INTS1: variants seen among roughly 807,000 people sequenced by gnomAD.
The protein encoded by INTS1 is integrator complex subunit 1.
In INTS1, 137 loss-of-function variants were observed where a neutral mutation model predicts 241.6. The ratio of observed to expected loss-of-function variants is 0.57; its 90% CI spans 0.49 to 0.65. The LOEUF is 0.65. Among genes scored for constraint, INTS1 ranks in the 30% least tolerant of loss-of-function variants. The pLI is 0.00. For missense variants in INTS1, 3,073 were observed against 3,032.2 expected (o/e 1.01, Z -0.32); for synonymous variants, 1,692 against 1,337.8 (o/e 1.26, Z -5.78).
Position 1,470,609 on chromosome 7 carries a change from G to T in INTS1, c.6541C>A (p.Leu2181Met). 1 of 1,582,538 alleles carries T rather than the reference G, an allele frequency of 6.3e-7. No individual in the cohort carries two copies. Among genetic ancestry groups the T allele is most frequent in the East Asian group, 2.3e-5 (1 of 43,342 alleles). The change falls in exon 48 of 48, where the codon CTG becomes ATG. Residue 2181 changes from leucine to methionine, a missense_variant. Coordinates refer to ENST00000404767, the MANE Select transcript of INTS1 (RefSeq NM_001080453.3). ...MDPSAQISEA[L>M]RILHMEAVM Reference sequence around the variant, plus strand: ...ACGGCCTCCATATGCAGGATCCTCAGGGCCTCGGAGATCTGCGCGCTGGGG... The same window carrying T: ...ACGGCCTCCATATGCAGGATCCTCATGGCCTCGGAGATCTGCGCGCTGGGG...
chr7:1,471,701 CA>C, intron 44 of INTS1, 60 bp from the exon 45 acceptor site: 1 of 1,528,934 alleles, frequency 6.5e-7, no homozygotes, highest in Non-Finnish European at 9.0e-7. Context: ...CTGCCCACCC[CA>C]CCCCAGCCAC....
At chr7:1,482,454 C>T in intron 27 of INTS1, 92 bp downstream of exon 27, 2 of 1,328,576 alleles carry the variant, frequency 1.5e-6, no homozygotes, top group Non-Finnish European at 1.0e-6. Context: ...TCCTCTGCCA[C>T]AGCCGGAGGC....
intron 3 of INTS1, chr7:1,501,278 C>G (rs1562524469): frequency 8.8e-6 from 1 of 113,234 alleles, no homozygotes; most frequent in Non-Finnish European, 1.7e-5. Flanking sequence ...CAGCGAGACT[C>G]TGTCTCAAAA....
chr7:1,480,367 G>A lies in INTS1; in HGVS notation c.4024C>T (p.Gln1342Ter). 1 of 1,612,232 alleles carries A rather than the reference G, an allele frequency of 6.2e-7. No homozygotes were observed. The highest frequency in any genetic ancestry group is 8.5e-7 in the Non-Finnish European group (1 of 1,179,564). The change falls in exon 30 of 48, where the codon CAG becomes TAG. Residue 1342 changes from glutamine to a stop codon, truncating the protein, a stop_gained. Transcript: ENST00000404767. LOFTEE classifies it high-confidence loss of function. ...TCCTCAGGGCCCAGCACCCGGAGCT[G>A]GGTCCCCACCCGAATCCGGCCCTGG... ...IGQGRIRVGT[Q>*]LRVLGPEDDL...
intron 40 of INTS1, 36 bp from the exon 41 acceptor site, chr7:1,474,396 G>A (rs938423214): frequency 2.2e-5 from 34 of 1,543,710 alleles, no homozygotes; most frequent in African/African-American, 1.2e-4. Flanking sequence ...AGCCCCGGCC[G>A]GCGGGCTCAC....
Position 1,499,410 on chromosome 7 carries a change from TC to T in INTS1, c.845-51del, listed in dbSNP as rs773452486. ...TGCAGCGCCTCCCACCCGCCCATCCTCCCACCCCTCCCCTGCCCTGGGGCTT... is the reference window on the plus strand; with the variant it reads ...TGCAGCGCCTCCCACCCGCCCATCCTCCACCCCTCCCCTGCCCTGGGGCTT... On this transcript the variant is annotated intron_variant, in intron 6 of 47. Transcript: ENST00000404767. 5.5e-5 allele frequency: 29 copies of T among 526,340 alleles called. No homozygotes were observed. The Admixed American group carries it at 9.2e-4, about 17-fold the overall frequency. The allele number at this position is 526,340 out of a possible 1,614,324, so 32.6% of individuals were successfully genotyped here.
intron 3 of INTS1, among the ~76,000 whole-genome samples, chr7:1,501,623 A>C (rs1452595054): frequency 6.6e-6 from 1 of 152,164 alleles, no homozygotes; most frequent in Non-Finnish European, 1.5e-5. Flanking sequence ...TAAATAAAGC[A>C]CCGAGCCGCC....
intron 2 of INTS1, among the ~76,000 whole-genome samples, 182 bp from the exon 3 acceptor site, chr7:1,503,373 G>A (rs1434069943): frequency 6.6e-6 from 1 of 152,188 alleles, no homozygotes; most frequent in East Asian, 1.9e-4. Flanking sequence ...CACAGGTGAT[G>A]GTGGACAGTC....
At chr7:1,479,766 G>A (rs970983745) in intron 30 of INTS1, 82 bp from the exon 31 acceptor site, 34 of 1,374,778 alleles carry the variant, frequency 2.5e-5, no homozygotes, top group Non-Finnish European at 3.2e-5. Context: ...GCCCGGTGCA[G>A]CTCCGTGCCA....
intron 40 of INTS1, 107 bp downstream of exon 40, chr7:1,474,598 T>C (rs76952333): frequency 7.2e-7 from 1 of 1,381,980 alleles, no homozygotes; most frequent in Non-Finnish European, 9.7e-7. Flanking sequence ...GGGAACATGC[T>C]TTTTTTTGTT....
chr7:1,471,030 G>A (rs1781441091), intron 46 of INTS1, 75 bp from the exon 47 acceptor site: 2 of 1,513,214 alleles, frequency 1.3e-6, no homozygotes, highest in Admixed American at 4.0e-5. Flanking sequence ...AGGGCGAGCT[G>A]AGCCGCCTGG....
Position 1,497,980 on chromosome 7 carries a change from G to A in INTS1, c.1425+432C>T, listed in dbSNP as rs1782945160. Among the ~76,000 whole-genome samples the A allele has an allele frequency of 6.6e-6, 1 of 152,252 alleles. No homozygotes were observed. The highest frequency in any genetic ancestry group is 2.4e-5 in the African/African-American group (1 of 41,470). On this transcript the variant is annotated intron_variant, in intron 10 of 47. Coordinates refer to ENST00000404767, the MANE Select transcript of INTS1 (RefSeq NM_001080453.3). The surrounding 1 kb of genome is among the most constrained non-coding windows in gnomAD (Gnocchi z 5.3). ...TGTCATCCCAGCACTTTGGGAGGTT[G>A]AGGCAGGAGGATCGCTTGAGCCCAG...
Position 1,495,419 on chromosome 7 carries a change from G to T in INTS1, c.1832+14C>A. The T allele has an allele frequency of 6.2e-7, 1 of 1,605,034 alleles. No individual in the cohort carries two copies. ...GGGGTGTGGGACAGGGGCTGTACAG[G>T]GCCCCAGCCGCACCAGTGCACGTAG... On this transcript the variant is annotated intron_variant, in intron 13 of 47. Coordinates refer to ENST00000404767, the MANE Select transcript of INTS1 (RefSeq NM_001080453.3).
rs1466403937 is a variant in INTS1 at position 1,503,022 on chromosome 7, T to C, written c.228A>G (p.Lys76=). The C allele has an allele frequency of 6.2e-7, 1 of 1,613,616 alleles. No homozygotes were observed. The highest frequency in any genetic ancestry group is 1.1e-5 in the South Asian group (1 of 91,062). ...SSASALTGLT[K]RPKLSSTPPL... Reference sequence around the variant, plus strand: ...GGGGTGTGGAGGAGAGTTTGGGGCGTTTGGTGAGACCGGTGAGGGCCGAGG... The same window carrying C: ...GGGGTGTGGAGGAGAGTTTGGGGCGCTTGGTGAGACCGGTGAGGGCCGAGG... Residue 76 remains lysine, a synonymous_variant, in exon 3 of 48, where the codon AAA becomes AAG. Coordinates refer to ENST00000404767, the MANE Select transcript of INTS1 (RefSeq NM_001080453.3).
Position 1,499,896 on chromosome 7 carries a change from C to A in INTS1, c.672G>T (p.Glu224Asp). The change falls in exon 5 of 48, where the codon GAG becomes GAT. Residue 224 changes from glutamate (E) to aspartate (D), a missense_variant. Physicochemically the swap from Glu to Asp is conservative, Grantham distance 45 (BLOSUM62 2). Coordinates refer to ENST00000404767, the MANE Select transcript of INTS1 (RefSeq NM_001080453.3). ...AGAGGACGCTCACCTTGACAAAGAT[C>A]TCGGGCCAGTTCTCGTCCTCCTCGT... Reference protein sequence around the residue: ...AAYEEDENWPEIFVKVYIEDS... With the variant: ...AAYEEDENWPDIFVKVYIEDS... 6.2e-7 allele frequency: 1 copy of A among 1,612,850 alleles called. No individual in the cohort carries two copies.
At position 1,487,090 on chromosome 7, in the gene INTS1, C is replaced by A. The variant is rs536098840; in HGVS notation, c.2658G>T (p.Gln886His). The A allele has an allele frequency of 1.3e-6, 2 of 1,549,114 alleles. No homozygotes were observed. Among genetic ancestry groups the A allele is most frequent in the African/African-American group, 1.4e-5 (1 of 73,522 alleles). The change falls in exon 21 of 48, where the codon CAG becomes CAT. Residue 886 changes from glutamine to histidine, a missense_variant. By Grantham distance (24) the Gln-to-His change is conservative. Transcript: ENST00000404767. ...CCAGGTCCGCCAGCCAGGGCATGGA[C>A]TGCGAGGAGGCCTGGGCAGGCGACA... ...LHIIQRQASSQSMPWLADLVQ... is the reference protein window; with the variant it reads ...LHIIQRQASSHSMPWLADLVQ...
chr7:1,477,978 G>A (rs373469420), intron 33 of INTS1, 42 bp from the exon 34 acceptor site: 29 of 1,577,348 alleles, frequency 1.8e-5, no homozygotes, highest in African/African-American at 4.0e-5. Context: ...CTCCCAGGTC[G>A]GGTGGGGGCC....
rs181664267 is a variant in INTS1, at chr7:1,470,568, G to A, written c.*9C>T. 1.3e-4 allele frequency: 201 copies of A among 1,541,340 alleles called. No homozygotes were observed. The African/African-American group carries it at 2.4e-3, about 19-fold the overall frequency. On this transcript the variant is annotated 3_prime_UTR_variant, in exon 48 of 48. Coordinates refer to ENST00000404767, the MANE Select transcript of INTS1 (RefSeq NM_001080453.3). ...GCCGGGGCTTGGAGGGGGGTCGGCT[G>A]CCACAGGCTCACATCACGGCCTCCA...
rs775131419 is a variant in INTS1 at position 1,481,163 on chromosome 7, G to A, written c.3850+179C>T. 2.5e-4 allele frequency: 204 copies of A among 802,742 alleles called. 1 individual carries two copies. The highest frequency in any genetic ancestry group is 9.7e-4 in the Middle Eastern group (3 of 3,108). The allele number at this position is 802,742 out of a possible 1,614,324, so 49.7% of individuals were successfully genotyped here. Reference sequence around the variant, plus strand: ...CAGGGTTGGGGCAGGCCCAGGCCTCGGCTCCCTCCTGACTGTGCCAGCCTC... The same window carrying A: ...CAGGGTTGGGGCAGGCCCAGGCCTCAGCTCCCTCCTGACTGTGCCAGCCTC... On this transcript the variant is annotated intron_variant, in intron 28 of 47. Transcript: ENST00000404767. This position sits in a 1 kb window ranked among gnomAD's most constrained non-coding sequence, Gnocchi z 6.8.
Sources: gnomAD v4.1 joint callset for allele counts (sites outside exome capture counted in the v4.1 genomes callset) on GRCh38, gnomAD v4.1.1 for gene constraint, Gnocchi (gnomAD v3.1) non-coding constraint, MANE v1.5 for transcripts, NCBI Gene and HGNC (gene_info 2026-07-23, HGNC 2026-07-21) for gene names.